Variants in MSL2 observed in about 807,000 individuals in gnomAD.
MSL2 encodes E3 ubiquitin-protein ligase MSL2.
Under a neutral mutation model 35.8 loss-of-function variants are expected in MSL2, and 2 were observed. The ratio of observed to expected loss-of-function variants is 0.06; its 90% CI spans 0.02 to 0.18. The LOEUF (loss-of-function observed/expected upper bound fraction) is 0.18, where lower values mean the gene tolerates loss of function less well. MSL2 is among the 10% of genes least tolerant of loss of function. MSL2 has a pLI of 1.00. For synonymous variants in MSL2, 296 were observed against 255.7 expected, an observed-to-expected ratio of 1.16 and a Z score of -1.50; for missense variants, 523 against 706.7, an observed-to-expected ratio of 0.74 and a Z score of 2.95.
chr3:136,189,681 G>A (rs1043061201), intron 1 of MSL2, among the ~76,000 whole-genome samples: 19 of 144,890 alleles, frequency 1.3e-4, no homozygotes, highest in South Asian at 6.7e-4. Context: ...CCAAGATGGC[G>A]CCACTGCACT....
intron 1 of MSL2, chr3:136,156,119 T>C (rs1396730201): frequency 5.3e-6 from 1 of 189,076 alleles, no homozygotes; most frequent in Non-Finnish European, 1.1e-5. Flanking sequence ...CAGTATTTCT[T>C]GATACATGTA....
At chr3:136,153,295 C>T (rs748326032) in intron 1 of MSL2, among the ~76,000 whole-genome samples, 3 of 152,096 alleles carry the variant, frequency 2.0e-5, no homozygotes, top group African/African-American at 4.8e-5. Context: ...CTACAACATG[C>T]TGAACAAAAT....
intron 1 of MSL2, among the ~76,000 whole-genome samples, chr3:136,182,306 AG>A (rs1195112053): frequency 6.6e-6 from 1 of 152,228 alleles, no homozygotes; most frequent in Non-Finnish European, 1.5e-5. Flanking sequence ...TATAAAATGT[AG>A]GTTTAGAATG....
intron 1 of MSL2, among the ~76,000 whole-genome samples, chr3:136,191,318 T>G (rs2108098406): frequency 6.6e-6 from 1 of 151,682 alleles, no homozygotes; most frequent in East Asian, 1.9e-4. Context: ...AATACAAAAA[T>G]TAGCTGGGTG....
At chr3:136,168,028 A>T (rs1939901000) in intron 1 of MSL2, among the ~76,000 whole-genome samples, 1 of 152,134 alleles carries the variant, frequency 6.6e-6, no homozygotes, top group Admixed American at 6.6e-5. Context: ...TTTGCTTCCC[A>T]AAAAACGGAC....
chr3:136,153,544 T>A (rs908184268), intron 1 of MSL2, among the ~76,000 whole-genome samples: 2 of 152,162 alleles, frequency 1.3e-5, no homozygotes, highest in African/African-American at 4.8e-5. Context: ...TCCCAGCACT[T>A]TGGGAGGCTG....
intron 1 of MSL2, among the ~76,000 whole-genome samples, chr3:136,188,119 T>G (rs138257990): frequency 1.6e-4 from 25 of 152,218 alleles, no homozygotes; most frequent in African/African-American, 6.0e-4. Context: ...GCCAAAGGTT[T>G]TCTCCTTCAG....
chr3:136,153,381 G>C (rs1352967815), intron 1 of MSL2, among the ~76,000 whole-genome samples: 1 of 152,172 alleles, frequency 6.6e-6, no homozygotes, highest in East Asian at 1.9e-4. Flanking sequence ...CCTCATAAAA[G>C]ATAGTCTTGA....
At chr3:136,175,795 T>C (rs757147491) in intron 1 of MSL2, among the ~76,000 whole-genome samples, 9 of 152,174 alleles carry the variant, frequency 5.9e-5, no homozygotes, top group Non-Finnish European at 8.8e-5. Flanking sequence ...GAGTGAATTG[T>C]TTAGCCTATG....
At chr3:136,162,736 A>G (rs1401707070) in intron 1 of MSL2, among the ~76,000 whole-genome samples, 1 of 152,192 alleles carries the variant, frequency 6.6e-6, no homozygotes, top group Non-Finnish European at 1.5e-5. Flanking sequence ...GTTACATGAA[A>G]TCTCTGAAAA....
intron 1 of MSL2, among the ~76,000 whole-genome samples, chr3:136,162,063 G>A (rs1318166031): frequency 6.6e-6 from 1 of 151,418 alleles, no homozygotes; most frequent in Non-Finnish European, 1.5e-5. Context: ...TCAGTCTCCC[G>A]AGTAGCTGGG....
At chr3:136,189,592 C>T (rs916232719) in intron 1 of MSL2, among the ~76,000 whole-genome samples, 23 of 150,742 alleles carry the variant, frequency 1.5e-4, no homozygotes, top group Admixed American at 6.7e-5. Context: ...GGCGAGGTGG[C>T]GGGTGCCTGC....
chr3:136,192,406 T>C (rs1940716455), intron 1 of MSL2, among the ~76,000 whole-genome samples: 1 of 152,228 alleles, frequency 6.6e-6, no homozygotes, highest in Middle Eastern at 3.4e-3. Context: ...CTCCAACTCC[T>C]GACCTCAAGC....
intron 1 of MSL2, among the ~76,000 whole-genome samples, chr3:136,168,386 A>C (rs1455100210): frequency 6.6e-6 from 1 of 152,248 alleles, no homozygotes; most frequent in Non-Finnish European, 1.5e-5. Flanking sequence ...AAATTACTGG[A>C]TAAAGAAAAT....
chr3:136,150,148 T>C lies in MSL2; in HGVS notation c.*999A>G, dbSNP rs964672435. On this transcript the variant is annotated 3_prime_UTR_variant, in exon 2 of 2. Transcript: ENST00000309993. ...AGGCTTTATAAAAAGGCATTCTTAT[T>C]AGGCCTCTATAAAGAAGCCTTCATA... is the stretch of plus-strand genomic sequence containing the variant. The C allele has an allele frequency of 9.8e-5, 15 of 152,576 alleles. No homozygotes were observed. The highest frequency in any genetic ancestry group is 1.5e-5 in the Non-Finnish European group (1 of 68,018). 9.5% of individuals were successfully genotyped at this position (152,576 alleles called of 1,614,324 possible). A position where few individuals can be genotyped will look rare whatever the true frequency, so the allele number is the denominator to read the frequency against.
chr3:136,184,299 A>T (rs1317671904), intron 1 of MSL2, among the ~76,000 whole-genome samples: 6 of 151,158 alleles, frequency 4.0e-5, no homozygotes, highest in Non-Finnish European at 7.4e-5. Flanking sequence ...CCGTCTGAAA[A>T]AAAGAATTCT....
At chr3:136,161,065 G>A (rs56748458) in intron 1 of MSL2, among the ~76,000 whole-genome samples, 3 of 152,144 alleles carry the variant, frequency 2.0e-5, no homozygotes, top group Non-Finnish European at 2.9e-5. Context: ...CCAGCCTGAC[G>A]ACAGAGCAAA....
intron 1 of MSL2, 91 bp downstream of exon 1, chr3:136,194,881 A>C: frequency 6.4e-7 from 1 of 1,566,572 alleles, no homozygotes; most frequent in South Asian, 1.1e-5. Flanking sequence ...GCTTAATACC[A>C]ACCACCAGGC....
At chr3:136,168,452 T>A (rs549203725) in intron 1 of MSL2, among the ~76,000 whole-genome samples, 9 of 152,152 alleles carry the variant, frequency 5.9e-5, no homozygotes, top group Non-Finnish European at 1.3e-4. Flanking sequence ...TGAGTTCATA[T>A]CCTTTGCAGG....
Sources: gnomAD v4.1 joint callset for allele counts (sites outside exome capture counted in the v4.1 genomes callset) on GRCh38, gnomAD v4.1.1 for gene constraint, MANE v1.5 for transcripts, NCBI Gene and HGNC (gene_info 2026-07-23, HGNC 2026-07-21) for gene names.